CTNNA2: variants seen among roughly 807,000 people sequenced by gnomAD.
CTNNA2 encodes catenin alpha 2, also known as catenin alpha-2.
A neutral mutation model predicts 101.0 loss-of-function variants in CTNNA2; 42 were observed. The ratio of observed to expected loss-of-function variants is 0.42; its 90% CI spans 0.32 to 0.54. CTNNA2 has a LOEUF of 0.54. Among genes scored for constraint, CTNNA2 ranks in the 20% least tolerant of loss-of-function variants. CTNNA2 has a pLI of 0.14. For missense variants in CTNNA2, 871 were observed against 1,223.1 expected (o/e 0.71, Z 4.29); for synonymous variants, 450 against 456.4 (o/e 0.99, Z 0.18).
chr2:79,980,450 T>G (rs1002527607), intron 7 of CTNNA2, among the ~76,000 whole-genome samples: 1 of 152,150 alleles, frequency 6.6e-6, no homozygotes, highest in African/African-American at 2.4e-5. Context: ...TCCAAAGCCC[T>G]CTAATTGCAA....
chr2:80,277,984 T>A (rs1674059589), intron 7 of CTNNA2, among the ~76,000 whole-genome samples: 1 of 152,156 alleles, frequency 6.6e-6, no homozygotes, highest in South Asian at 2.1e-4. Flanking sequence ...AGTTCCCCAT[T>A]CATTGATTTT....
chr2:79,680,335 A>G (rs1455706425), intron 2 of CTNNA2, among the ~76,000 whole-genome samples: 2 of 151,984 alleles, frequency 1.3e-5, no homozygotes, highest in Non-Finnish European at 2.9e-5. Context: ...CCAGTCAACA[A>G]AGGACATTTT....
At chr2:79,359,874 C>G (rs1374620361) in intron 3 of CTNNA2, among the ~76,000 whole-genome samples, 6 of 152,008 alleles carry the variant, frequency 3.9e-5, no homozygotes, top group Non-Finnish European at 4.4e-5. Flanking sequence ...TCTGTAAGGT[C>G]AAACTGTTTT....
intron 3 of CTNNA2, among the ~76,000 whole-genome samples, chr2:79,341,020 C>A (rs941272474): frequency 6.6e-6 from 1 of 150,950 alleles, no homozygotes; most frequent in Non-Finnish European, 1.5e-5. Flanking sequence ...ATATGTTAAA[C>A]GCTACATATA....
intron 7 of CTNNA2, among the ~76,000 whole-genome samples, chr2:80,061,493 A>G (rs537065805): frequency 2.0e-5 from 3 of 152,316 alleles, no homozygotes; most frequent in East Asian, 3.9e-4. Context: ...AGGGCATAAT[A>G]TTACTAAACG....
At chr2:80,578,863 T>G (rs530342963) in intron 13 of CTNNA2, 1 of 152,196 alleles carries the variant, frequency 6.6e-6, no homozygotes, top group Non-Finnish European at 1.5e-5. Flanking sequence ...TGTCCCATAG[T>G]GGGTGGTAAA....
At position 80,115,912 on chromosome 2, in the gene CTNNA2, G is replaced by A. The variant is rs150352633; in HGVS notation, c.1056+206115G>A. 2.5e-3 allele frequency among the ~76,000 whole-genome samples: 381 copies of A among 152,242 alleles called. 3 individuals are homozygous for A. Among genetic ancestry groups the A allele is most frequent in the African/African-American group, 8.3e-3 (346 of 41,556 alleles). On this transcript the variant is annotated intron_variant, in intron 7 of 18. Transcript: ENST00000402739. The stretch of plus-strand genomic sequence containing the variant: ...ATGTATTTGGACAGTTAACCTCTCC[G>A]TGCCTTTGTTTCTCTACCCATATGG...
In CTNNA2 at chr2:80,340,811, G is replaced by T. The variant is rs187722486; in HGVS notation, c.1057-52400G>T. On this transcript the variant is annotated intron_variant, in intron 7 of 18. Coordinates refer to ENST00000402739, the MANE Select transcript of CTNNA2 (RefSeq NM_001282597.3). The stretch of plus-strand genomic sequence containing the variant: ...TAGCATCAGATCTCATGAGTTAAAG[G>T]TCTCAGTTCCACAATAATGCCCCCA... Among the ~76,000 whole-genome samples the T allele has an allele frequency of 5.0e-4, 76 of 152,170 alleles. 1 individual carries two copies. The highest frequency in any genetic ancestry group is 1.5e-3 in the South Asian group (7 of 4,812).
At chr2:80,560,082 A>G (rs13025653) in intron 12 of CTNNA2, among the ~76,000 whole-genome samples, 29,961 of 149,000 alleles carry the variant, frequency 0.2, 3,215 homozygotes, top group Middle Eastern at 0.25. Context: ...AGAAAAAAGC[A>G]TATTTTAAAA....
Position 79,212,668 on chromosome 2 carries a change from T to C in CTNNA2, c.-406+14592T>C, listed in dbSNP as rs113342197. On this transcript the variant is annotated intron_variant, in intron 2 of 21. Transcript: ENST00000466387. ...GAGGTGGGAAGGCCAAACCGAGTAA[T>C]TATGTCTGACAGAAGGGAAGAAATG... Among the ~76,000 whole-genome samples, 985 of 148,576 alleles carry C rather than the reference T, an allele frequency of 6.6e-3. 9 individuals carry two copies. Among genetic ancestry groups the C allele is most frequent in the African/African-American group, 0.023 (927 of 40,492 alleles).
rs146269733 is a variant in CTNNA2 at position 79,652,078 on chromosome 2, G to A, written c.102+420G>A. 8.4e-3 allele frequency among the ~76,000 whole-genome samples: 1,285 copies of A among 152,300 alleles called. 27 individuals are homozygous for A. The highest frequency in any genetic ancestry group is 0.028 in the African/African-American group (1,176 of 41,568). On this transcript the variant is annotated intron_variant, in intron 2 of 18. Coordinates refer to ENST00000402739, the MANE Select transcript of CTNNA2 (RefSeq NM_001282597.3). ...AAAGCAGAATTCATCCTGTTGGAGT[G>A]ATGAGATGTTCCATTTTTGTGTTGT...
chr2:79,428,000 G>A (rs1678610924), intron 4 of CTNNA2, among the ~76,000 whole-genome samples: 1 of 152,054 alleles, frequency 6.6e-6, no homozygotes, highest in Admixed American at 6.6e-5. Flanking sequence ...GCCTCATCCT[G>A]TCACTTTTCT....
intron 1 of CTNNA2, among the ~76,000 whole-genome samples, chr2:79,192,080 CT>C (rs545974483): frequency 4.7e-5 from 7 of 148,964 alleles, no homozygotes; most frequent in East Asian, 2.0e-4. Context: ...GTTATTCCTT[CT>C]TTTTTTTTTC....
intron 1 of CTNNA2, among the ~76,000 whole-genome samples, chr2:79,191,534 C>T (rs978922216): frequency 1.3e-5 from 2 of 152,088 alleles, no homozygotes; most frequent in South Asian, 4.1e-4. Flanking sequence ...GAGCAAGGGC[C>T]CTAAACCTAA....
chr2:79,381,602 G>T (rs1015572622), intron 4 of CTNNA2, among the ~76,000 whole-genome samples: 2 of 152,204 alleles, frequency 1.3e-5, no homozygotes, highest in African/African-American at 4.8e-5. Context: ...AAGCCAGACG[G>T]AAGAGGCTAC....
chr2:80,282,417 C>T (rs1674453465), intron 7 of CTNNA2, among the ~76,000 whole-genome samples: 1 of 151,962 alleles, frequency 6.6e-6, no homozygotes, highest in Admixed American at 6.6e-5. Context: ...AGTGAAATGT[C>T]TCATTACTTA....
intron 7 of CTNNA2, among the ~76,000 whole-genome samples, chr2:80,107,924 G>C (rs1387316846): frequency 1.3e-5 from 2 of 152,198 alleles, no homozygotes; most frequent in Non-Finnish European, 2.9e-5. Context: ...GGTTGAGTGG[G>C]GCGGGCAGAG....
At chr2:79,694,619 A>G (rs898911022) in intron 2 of CTNNA2, among the ~76,000 whole-genome samples, 2 of 151,890 alleles carry the variant, frequency 1.3e-5, no homozygotes, top group Admixed American at 1.3e-4. Flanking sequence ...TAAGCCTCAA[A>G]TCATATCTAG....
intron 1 of CTNNA2, among the ~76,000 whole-genome samples, chr2:79,639,320 G>C (rs948389268): frequency 6.6e-6 from 1 of 152,096 alleles, no homozygotes; most frequent in African/African-American, 2.4e-5. Context: ...GCACACAATG[G>C]GTAGTTAGTA....
Sources: allele counts gnomAD v4.1 joint callset (sites outside exome capture counted in the v4.1 genomes callset), GRCh38; gene constraint gnomAD v4.1.1; transcripts MANE v1.5; gene names NCBI Gene and HGNC (gene_info 2026-07-23, HGNC 2026-07-21).